DMP1: variants seen among roughly 807,000 people sequenced by gnomAD.
DMP1 encodes dentin matrix acidic phosphoprotein 1.
DMP1 carries 20 observed loss-of-function variants against 14.6 expected under a neutral mutation model. That is an observed-to-expected ratio of 1.37 (90% confidence interval 0.96 to 1.99). The LOEUF is 1.99. DMP1 is among the 30% of genes most tolerant of loss of function. The pLI is 0.00. For synonymous variants in DMP1, 197 were observed against 215.3 expected, an observed-to-expected ratio of 0.91 and a Z score of 0.75; for missense variants, 567 against 620.5, an observed-to-expected ratio of 0.91 and a Z score of 0.92.
At chr4:87,651,903 C>G (rs1366825892) in intron 1 of DMP1, among the ~76,000 whole-genome samples, 1 of 152,044 alleles carries the variant, frequency 6.6e-6, no homozygotes, top group African/African-American at 2.4e-5. Context: ...TTTTGGTTTA[C>G]ATAAAAGAAG....
Position 87,663,145 on chromosome 4 carries a change from C to G in DMP1, c.1367C>G (p.Ser456Cys). ...ESHSEEDDSD[S>C]QDSSRSKEDS... ...CATTCTGAGGAAGACGACAGTGACTCTCAAGACAGCAGCAGATCCAAAGAA... is the reference window on the plus strand; with the variant it reads ...CATTCTGAGGAAGACGACAGTGACTGTCAAGACAGCAGCAGATCCAAAGAA... The change falls in exon 6 of 6, where the codon TCT becomes TGT. Residue 456 changes from serine (S) to cysteine (C), a missense_variant. Ser to Cys is a moderately radical substitution (Grantham distance 112). Transcript: ENST00000339673. 2 of 1,614,182 alleles carry G rather than the reference C, an allele frequency of 1.2e-6. No individual in the cohort carries two copies. The highest frequency in any genetic ancestry group is 1.7e-6 in the Non-Finnish European group (2 of 1,180,032).
intron 1 of DMP1, among the ~76,000 whole-genome samples, chr4:87,652,160 G>A (rs1236490963): frequency 6.6e-6 from 1 of 152,134 alleles, no homozygotes; most frequent in African/African-American, 2.4e-5. Context: ...TCATCTCACT[G>A]TAGAATGACA....
Position 87,662,691 on chromosome 4 carries a change from G to A in DMP1, c.913G>A (p.Gly305Ser). ...AGAAAACAGCAACTCCAGAGACACT[G>A]GCCTCAGCCAACCCAGGAGAGACAG... is the stretch of plus-strand genomic sequence containing the variant. Reference protein sequence around the residue: ...STENSNSRDTGLSQPRRDSKG... With the variant: ...STENSNSRDTSLSQPRRDSKG... The change falls in exon 6 of 6, where the codon GGC (glycine) becomes AGC (serine). Residue 305 changes from glycine (G) to serine (S), a missense_variant. Physicochemically the swap from Gly to Ser is moderately conservative, Grantham distance 56. Coordinates refer to ENST00000339673, the MANE Select transcript of DMP1 (RefSeq NM_004407.4). The A allele has an allele frequency of 6.2e-7, 1 of 1,614,140 alleles. No homozygotes were observed.
chr4:87,657,744 A>G (rs937627313), intron 3 of DMP1, among the ~76,000 whole-genome samples: 1 of 152,200 alleles, frequency 6.6e-6, no homozygotes, highest in Non-Finnish European at 1.5e-5. Context: ...CCAGTGTGTC[A>G]TATCCCTCTC....
chr4:87,663,560 C>A lies in DMP1; in HGVS notation c.*240C>A. 1 of 580,268 alleles carries A rather than the reference C, an allele frequency of 1.7e-6. No individual in the cohort carries two copies. The highest frequency in any genetic ancestry group is 3.0e-6 in the Non-Finnish European group (1 of 331,744). 35.9% of individuals were successfully genotyped at this position (580,268 alleles called of 1,614,324 possible). On this transcript the variant is annotated 3_prime_UTR_variant, in exon 6 of 6. Transcript: ENST00000339673. Reference sequence around the variant, plus strand: ...GAGGCTAGAAGCAAGAAAGGATCTGCATGATAACTTTGCAGCTGAGATAGT... The same window carrying A: ...GAGGCTAGAAGCAAGAAAGGATCTGAATGATAACTTTGCAGCTGAGATAGT...
chr4:87,658,489 C>T (rs766376315), intron 3 of DMP1, among the ~76,000 whole-genome samples: 5 of 152,152 alleles, frequency 3.3e-5, no homozygotes, highest in Admixed American at 2.6e-4. Flanking sequence ...AATACCAGGG[C>T]TTTTACATGA....
At chr4:87,657,892 G>T (rs890059928) in intron 3 of DMP1, among the ~76,000 whole-genome samples, 5 of 152,190 alleles carry the variant, frequency 3.3e-5, no homozygotes, top group Non-Finnish European at 4.4e-5. Flanking sequence ...TGGCCCCAAT[G>T]CTTTTGGTGG....
intron 1 of DMP1, among the ~76,000 whole-genome samples, chr4:87,651,001 ATATTT>A (rs889914557): frequency 9.2e-5 from 14 of 152,162 alleles, no homozygotes; most frequent in African/African-American, 3.4e-4. Flanking sequence ...GAATATAATT[ATATTT>A]TAAAATATTG....
chr4:87,654,424 C>A (rs561172989), intron 1 of DMP1, among the ~76,000 whole-genome samples: 1 of 152,224 alleles, frequency 6.6e-6, no homozygotes, highest in African/African-American at 2.4e-5. Context: ...GTATTGTTTT[C>A]TGAGTTCCTA....
At chr4:87,651,615 A>G (rs959176434) in intron 1 of DMP1, among the ~76,000 whole-genome samples, 2 of 152,070 alleles carry the variant, frequency 1.3e-5, no homozygotes, top group African/African-American at 4.8e-5. Context: ...TTTCCTGCTA[A>G]TGTACATTTA....
rs1728994470 is a variant in DMP1 at position 87,663,502 on chromosome 4, A to T, written c.*182A>T. 1.2e-6 allele frequency: 1 copy of T among 857,386 alleles called. No homozygotes were observed. Among genetic ancestry groups the T allele is most frequent in the Non-Finnish European group, 1.8e-6 (1 of 551,320 alleles). 53.1% of individuals were successfully genotyped at this position (857,386 alleles called of 1,614,324 possible). On this transcript the variant is annotated 3_prime_UTR_variant, in exon 6 of 6. Transcript: ENST00000339673. ...GGTGTCATCATTTCACAGAGGTTTAAATACTGTGGAGTGACACCAGAACAC... is the reference window on the plus strand; with the variant it reads ...GGTGTCATCATTTCACAGAGGTTTATATACTGTGGAGTGACACCAGAACAC...
intron 1 of DMP1, among the ~76,000 whole-genome samples, chr4:87,650,996 T>G (rs995625890): frequency 3.3e-5 from 5 of 152,152 alleles, no homozygotes; most frequent in Admixed American, 3.3e-4. Context: ...ATGTTGAATA[T>G]AATTATATTT....
chr4:87,653,866 T>C lies in DMP1; in HGVS notation c.-21-2606T>C, dbSNP rs1049735827. ...GAAAATCAACTGACAAAATATAGAT[T>C]AATAGGAGAAAAGGAATACAAAATT... is the stretch of plus-strand genomic sequence containing the variant. On this transcript the variant is annotated intron_variant, in intron 1 of 5. Transcript: ENST00000339673. Among the ~76,000 whole-genome samples, 12 of 152,076 alleles carry C rather than the reference T, an allele frequency of 7.9e-5. No homozygotes were observed. In the East Asian group the frequency reaches 2.3e-3, roughly 29 times the overall value.
intron 2 of DMP1, 23 bp downstream of exon 2, chr4:87,656,569 A>G (rs376396990): frequency 1.8e-5 from 27 of 1,539,084 alleles, no homozygotes; most frequent in Middle Eastern, 1.7e-4. Flanking sequence ...GTAGGGATAT[A>G]TGAAAAAACC....
Position 87,662,223 on chromosome 4 carries a change from G to C in DMP1, c.445G>C (p.Glu149Gln), listed in dbSNP as rs753043959. The C allele has an allele frequency of 6.2e-7, 1 of 1,614,116 alleles. No homozygotes were observed. The highest frequency in any genetic ancestry group is 8.5e-7 in the Non-Finnish European group (1 of 1,180,062). The change falls in exon 6 of 6, where the codon GAG becomes CAG. Residue 149 changes from glutamate to glutamine, a missense_variant. Coordinates refer to ENST00000339673, the MANE Select transcript of DMP1 (RefSeq NM_004407.4). ...DSDDTIQASE[E>Q]SAPQGQDSAQ... Reference sequence around the variant, plus strand: ...TGATGACACCATACAAGCCAGTGAAGAGAGTGCCCCACAAGGGCAAGACAG... The same window carrying C: ...TGATGACACCATACAAGCCAGTGAACAGAGTGCCCCACAAGGGCAAGACAG...
chr4:87,653,447 A>T (rs1226662088), intron 1 of DMP1, among the ~76,000 whole-genome samples: 20 of 111,478 alleles, frequency 1.8e-4, no homozygotes, highest in Non-Finnish European at 3.7e-4. Context: ...TTTTTTTGAG[A>T]TAGGGTCTTG....
In DMP1 at chr4:87,662,409, G is replaced by C; in HGVS notation, c.631G>C (p.Asp211His). ...CAGCCATGGAGACGGCTCCGAGTTG[G>C]ACGATGAGGGAATGCAGAGTGATGA... ...ESSHGDGSEL[D>H]DEGMQSDDPE... The change falls in exon 6 of 6, where the codon GAC becomes CAC. Residue 211 changes from aspartate to histidine, a missense_variant. Physicochemically the swap from Asp to His is moderately conservative, Grantham distance 81. Coordinates refer to ENST00000339673, the MANE Select transcript of DMP1 (RefSeq NM_004407.4). 6.2e-7 allele frequency: 1 copy of C among 1,614,182 alleles called. No individual in the cohort carries two copies. Among genetic ancestry groups the C allele is most frequent in the South Asian group, 1.1e-5 (1 of 91,080 alleles).
chr4:87,651,422 T>G (rs1221114490), intron 1 of DMP1, among the ~76,000 whole-genome samples: 1 of 151,236 alleles, frequency 6.6e-6, no homozygotes, highest in Non-Finnish European at 1.5e-5. Context: ...AAGAATTGGA[T>G]TTTTTTTTGG....
chr4:87,651,558 A>T (rs1728530720), intron 1 of DMP1, among the ~76,000 whole-genome samples: 1 of 152,202 alleles, frequency 6.6e-6, no homozygotes, highest in Non-Finnish European at 1.5e-5. Flanking sequence ...TAATTTTATT[A>T]TTATAAAACC....
Sources: allele counts gnomAD v4.1 joint callset (sites outside exome capture counted in the v4.1 genomes callset), GRCh38; gene constraint gnomAD v4.1.1; transcripts MANE v1.5; gene names NCBI Gene and HGNC (gene_info 2026-07-23, HGNC 2026-07-21).